Variants in CAMK1D observed in about 807,000 individuals in gnomAD.
The protein encoded by CAMK1D is calcium/calmodulin dependent protein kinase ID.
CAMK1D carries 9 observed loss-of-function variants against 47.7 expected under a neutral mutation model. The ratio of observed to expected loss-of-function variants is 0.19; its 90% confidence interval spans 0.11 to 0.33. The LOEUF is 0.33. Among genes scored for constraint, CAMK1D ranks in the 10% least tolerant of loss-of-function variants. The pLI, the probability that CAMK1D is intolerant of heterozygous loss-of-function variation, is 1.00. For missense variants in CAMK1D, 291 were observed against 488.7 expected (o/e 0.60, Z 3.81); for synonymous variants, 184 against 184.9 (o/e 0.99, Z 0.04).
In CAMK1D at chr10:12,738,416, T is replaced by C. The variant is rs114090337; in HGVS notation, c.300-22532T>C. 5.4e-3 allele frequency among the ~76,000 whole-genome samples: 817 copies of C among 152,340 alleles called. 7 individuals carry two copies. The highest frequency in any genetic ancestry group is 0.018 in the African/African-American group (736 of 41,572). On this transcript the variant is annotated intron_variant, in intron 3 of 10. Transcript: ENST00000619168. ...CTCTTTCCTGTCGTCGTTTGTCCAGTGCTAGAATTCTTTTTCTAGGAATGG... is the reference window on the plus strand; with the variant it reads ...CTCTTTCCTGTCGTCGTTTGTCCAGCGCTAGAATTCTTTTTCTAGGAATGG...
chr10:12,790,850 G>A lies in CAMK1D; in HGVS notation c.566-308G>A, dbSNP rs182807609. ...TTAAAAAAAAAGAAAATAAAAATTA[G>A]CCAGGCATGGTGGCATGCACCTGTG... On this transcript the variant is annotated intron_variant, in intron 5 of 10. Transcript: ENST00000619168. Among the ~76,000 whole-genome samples the A allele has an allele frequency of 1.7e-3, 263 of 152,054 alleles. 2 individuals carry two copies. Among genetic ancestry groups the A allele is most frequent in the African/African-American group, 6.2e-3 (257 of 41,446 alleles).
At chr10:12,799,271 G>A (rs1055409626) in intron 6 of CAMK1D, among the ~76,000 whole-genome samples, 15 of 146,694 alleles carry the variant, frequency 1.0e-4, no homozygotes, top group African/African-American at 2.9e-4. Flanking sequence ...TGCATTGTTG[G>A]GAGTCAGCAA....
intron 1 of CAMK1D, among the ~76,000 whole-genome samples, chr10:12,398,639 G>A (rs11257770): frequency 0.033 from 4,990 of 152,214 alleles, 126 homozygotes; most frequent in Non-Finnish European, 0.043. Flanking sequence ...ATGAGCCACC[G>A]TGCCCAGCCC....
intron 1 of CAMK1D, among the ~76,000 whole-genome samples, chr10:12,508,772 G>A (rs1050680260): frequency 2.6e-5 from 4 of 152,154 alleles, no homozygotes; most frequent in Non-Finnish European, 5.9e-5. Flanking sequence ...TGATAAAGCC[G>A]AGGGAGAGGG....
chr10:12,362,439 T>C (rs1478504477), intron 1 of CAMK1D, among the ~76,000 whole-genome samples: 1 of 152,180 alleles, frequency 6.6e-6, no homozygotes, highest in Non-Finnish European at 1.5e-5. Context: ...TGATATAAAA[T>C]GGTGTAGTAT....
chr10:12,619,700 C>T (rs1393649304), intron 2 of CAMK1D, among the ~76,000 whole-genome samples: 4 of 151,704 alleles, frequency 2.6e-5, no homozygotes, highest in Non-Finnish European at 5.9e-5. Flanking sequence ...TCTCATGTAC[C>T]CTTTACCAAG....
Position 12,528,040 on chromosome 10 carries a change from A to G in CAMK1D, c.93-25185A>G, listed in dbSNP as rs188189197. 3.9e-5 allele frequency among the ~76,000 whole-genome samples: 6 copies of G among 152,362 alleles called. No homozygotes were observed. The East Asian group carries it at 9.6e-4, about 24-fold the overall frequency. ...ATCCAATTCTTACTAAGGGCCAGAC[A>G]CTGTTCTGAGCATTATGTTTATAGT... On this transcript the variant is annotated intron_variant, in intron 1 of 10. Coordinates refer to ENST00000619168, the MANE Select transcript of CAMK1D (RefSeq NM_153498.4).
intron 1 of CAMK1D, among the ~76,000 whole-genome samples, chr10:12,489,905 C>T (rs977199982): frequency 1.3e-5 from 2 of 152,154 alleles, no homozygotes; most frequent in African/African-American, 4.8e-5. Context: ...CCGACACCTC[C>T]GAGTCTGCAT....
intron 2 of CAMK1D, among the ~76,000 whole-genome samples, chr10:12,657,589 C>T (rs1316876285): frequency 6.6e-6 from 1 of 152,158 alleles, no homozygotes; most frequent in Non-Finnish European, 1.5e-5. Context: ...TCCTTTGCAG[C>T]TAGAATGGTG....
chr10:12,789,993 C>T (rs766759245), intron 5 of CAMK1D, among the ~76,000 whole-genome samples: 8 of 152,240 alleles, frequency 5.3e-5, no homozygotes, highest in South Asian at 2.1e-4. Flanking sequence ...CGCTGCTGGT[C>T]GCCAGAGTGG....
intron 1 of CAMK1D, among the ~76,000 whole-genome samples, chr10:12,489,545 TAAC>T: frequency 6.6e-6 from 1 of 152,286 alleles, no homozygotes; most frequent in East Asian, 1.9e-4. Context: ...GGTAAATGTT[TAAC>T]AACAGGCTCT....
intron 6 of CAMK1D, among the ~76,000 whole-genome samples, chr10:12,811,220 G>A (rs1269446541): frequency 6.6e-6 from 1 of 152,090 alleles, no homozygotes; most frequent in East Asian, 2.0e-4. Context: ...TAAACGGTTG[G>A]ATATGTAAAA....
chr10:12,741,742 G>A (rs992541193), intron 3 of CAMK1D, among the ~76,000 whole-genome samples: 6 of 152,158 alleles, frequency 3.9e-5, no homozygotes, highest in African/African-American at 1.2e-4. Flanking sequence ...GGGAAGGGAG[G>A]GAAGCAGGAG....
intron 2 of CAMK1D, among the ~76,000 whole-genome samples, chr10:12,574,465 C>CT (rs1837428182): frequency 2.8e-5 from 3 of 105,656 alleles, no homozygotes; most frequent in Non-Finnish European, 3.6e-5. Flanking sequence ...CCACGCCTAG[C>CT]TAATTTTTTT....
At chr10:12,772,793 GT>G (rs1258665579) in intron 5 of CAMK1D, among the ~76,000 whole-genome samples, 1 of 152,186 alleles carries the variant, frequency 6.6e-6, no homozygotes, top group African/African-American at 2.4e-5. Flanking sequence ...TCTTCTATTG[GT>G]TTGTGTTGAC....
At chr10:12,441,684 G>A (rs975840763) in intron 1 of CAMK1D, among the ~76,000 whole-genome samples, 1 of 152,062 alleles carries the variant, frequency 6.6e-6, no homozygotes, top group African/African-American at 2.4e-5. Flanking sequence ...GGTGACACAT[G>A]CCTGTAATCC....
intron 1 of CAMK1D, among the ~76,000 whole-genome samples, chr10:12,390,188 C>T (rs745496448): frequency 6.6e-6 from 1 of 152,058 alleles, no homozygotes; most frequent in Non-Finnish European, 1.5e-5. Flanking sequence ...ACTGCATTTG[C>T]TAGTGATTTG....
At chr10:12,620,796 G>GA (rs2132438376) in intron 2 of CAMK1D, among the ~76,000 whole-genome samples, 1 of 152,010 alleles carries the variant, frequency 6.6e-6, no homozygotes, top group African/African-American at 2.4e-5. Flanking sequence ...TTTCTTTTTG[G>GA]AAAAAATACA....
chr10:12,701,981 C>T (rs1015992970), intron 3 of CAMK1D, among the ~76,000 whole-genome samples: 3 of 152,338 alleles, frequency 2.0e-5, no homozygotes, highest in Admixed American at 6.5e-5. Flanking sequence ...GTATGTGGGG[C>T]AGAGGGCGCA....
Sources: gnomAD v4.1 joint callset for allele counts (sites outside exome capture counted in the v4.1 genomes callset) on GRCh38, gnomAD v4.1.1 for gene constraint, MANE v1.5 for transcripts, NCBI Gene and HGNC (gene_info 2026-07-23, HGNC 2026-07-21) for gene names.